The following STON2 variants were observed in gnomAD, a reference collection of about 807,000 sequenced individuals.
STON2 encodes the protein stonin-2.
STON2 carries 29 observed loss-of-function variants against 65.7 expected under a neutral mutation model. The ratio of observed to expected loss-of-function variants is 0.44; its 90% CI spans 0.33 to 0.60. The LOEUF is 0.60. Ranked by LOEUF, STON2 falls within the 20% of genes least tolerant of loss-of-function variation. The probability of loss-of-function intolerance (pLI) is 0.03; values close to 1 mark genes in which losing one functional copy is unlikely to be tolerated. For missense variants in STON2, 1,054 were observed against 1,118.1 expected (o/e 0.94, Z 0.82); for synonymous variants, 404 against 414.2 (o/e 0.98, Z 0.30).
rs1595263246 is a variant in STON2, at chr14:81,267,665, A to G, written c.*749T>C. On this transcript the variant is annotated 3_prime_UTR_variant, in exon 8 of 8. Coordinates refer to ENST00000614646, the MANE Select transcript of STON2 (RefSeq NM_001394390.1). ...TCTTTTCTCCAAAATGAAGAAAACT[A>G]AGATTAATTTTGCCTTCCCCTCAAC... is the stretch of plus-strand genomic sequence containing the variant. 1.0e-6 allele frequency: 1 copy of G among 985,138 alleles called. No homozygotes were observed. The allele number at this position is 985,138 out of a possible 1,614,324, so 61.0% of individuals were successfully genotyped here.
rs752159304 is a variant in STON2, at chr14:81,277,687, T to C, written c.1795A>G (p.Ile599Val). 4 of 1,614,052 alleles carry C rather than the reference T, an allele frequency of 2.5e-6. No homozygotes were observed. The Admixed American group carries it at 6.7e-5, about 27-fold the overall frequency. The change falls in exon 6 of 8, where the codon ATC becomes GTC. Residue 599 changes from isoleucine to valine, a missense_variant. Coordinates refer to ENST00000614646, the MANE Select transcript of STON2 (RefSeq NM_001394390.1). ...TTNYDDFLSF[I>V]HAVQDRLMDL... ...ATGAGACGGTCCTGAACTGCATGGATGAAACTCAGGAAGTCATCGTAATTG... is the reference window on the plus strand; with the variant it reads ...ATGAGACGGTCCTGAACTGCATGGACGAAACTCAGGAAGTCATCGTAATTG...
chr14:81,349,172 G>A (rs1872791688), intron 4 of STON2, among the ~76,000 whole-genome samples: 1 of 152,192 alleles, frequency 6.6e-6, no homozygotes, highest in East Asian at 1.9e-4. Context: ...CCACGGCATT[G>A]GTCTAGGCAA....
intron 5 of STON2, among the ~76,000 whole-genome samples, chr14:81,310,960 T>C (rs1199412642): frequency 6.6e-6 from 1 of 152,190 alleles, no homozygotes; most frequent in Non-Finnish European, 1.5e-5. Flanking sequence ...TATGTCTCTG[T>C]CTTCTATGGT....
At chr14:81,269,119 C>A (rs542543331) in intron 7 of STON2, among the ~76,000 whole-genome samples, 1 of 152,266 alleles carries the variant, frequency 6.6e-6, no homozygotes, top group South Asian at 2.1e-4. Context: ...GATTCTCCTG[C>A]CTCATCCTCC....
upstream of STON2, among the ~76,000 whole-genome samples, chr14:81,402,116 A>C (rs1299831821): frequency 1.3e-5 from 2 of 152,200 alleles, no homozygotes; most frequent in Admixed American, 1.3e-4. Flanking sequence ...CATAAAAGCT[A>C]AGGAGAGTTC....
At chr14:81,342,337 A>G (rs139288560) in intron 4 of STON2, among the ~76,000 whole-genome samples, 1,894 of 152,064 alleles carry the variant, frequency 0.012, 38 homozygotes, top group Middle Eastern at 0.041. Flanking sequence ...GTTTCGCCAC[A>G]TTGGCCAGGC....
intron 5 of STON2, among the ~76,000 whole-genome samples, chr14:81,316,254 T>C (rs747863326): frequency 1.1e-4 from 16 of 152,168 alleles, no homozygotes; most frequent in Non-Finnish European, 2.1e-4. Flanking sequence ...TCACAAAGAC[T>C]TTGTGAGAAC....
chr14:81,289,088 T>C (rs955579627), intron 5 of STON2, among the ~76,000 whole-genome samples: 2 of 152,162 alleles, frequency 1.3e-5, no homozygotes, highest in Admixed American at 1.3e-4. Context: ...CAACGCAGGA[T>C]GCTTGCAAGA....
Position 81,261,280 on chromosome 14 carries a change from T to C in STON2, c.*7134A>G, listed in dbSNP as rs7149917. 0.15 allele frequency: 22,224 copies of C among 152,202 alleles called. 2,108 individuals carry two copies. Among genetic ancestry groups the C allele is most frequent in the African/African-American group, 0.26 (10,913 of 41,468 alleles). The allele number at this position is 152,202 out of a possible 1,614,324, so 9.4% of individuals were successfully genotyped here. On this transcript the variant is annotated 3_prime_UTR_variant, in exon 8 of 8. Transcript: ENST00000614646. Reference sequence around the variant, plus strand: ...GCAACAGTGCTTAAGGCTTCAGTCATGGTGTGGGGCTAGACAGCATCCCCA... The same window carrying C: ...GCAACAGTGCTTAAGGCTTCAGTCACGGTGTGGGGCTAGACAGCATCCCCA...
chr14:81,341,868 A>G (rs565381584), intron 4 of STON2, among the ~76,000 whole-genome samples: 27 of 152,296 alleles, frequency 1.8e-4, no homozygotes, highest in Admixed American at 4.6e-4. Flanking sequence ...GTAAAATCAC[A>G]AAGATTTATT....
At position 81,292,678 on chromosome 14, in the gene STON2, C is replaced by A. The variant is rs1895605131; in HGVS notation, c.743-13939G>T. ...CCCGCAGAACTGTAAGTCAATTAAACCTCTTTCCTTTATAAATTACCCAGT... is the reference window on the plus strand; with the variant it reads ...CCCGCAGAACTGTAAGTCAATTAAAACTCTTTCCTTTATAAATTACCCAGT... On this transcript the variant is annotated intron_variant, in intron 5 of 7. Coordinates refer to ENST00000614646, the MANE Select transcript of STON2 (RefSeq NM_001394390.1). Among the ~76,000 whole-genome samples the A allele has an allele frequency of 2.0e-5, 3 of 152,170 alleles. No homozygotes were observed. In the South Asian group the frequency reaches 6.2e-4, roughly 31 times the overall value.
At chr14:81,297,269 G>T (rs2081755959) in intron 5 of STON2, among the ~76,000 whole-genome samples, 2 of 152,216 alleles carry the variant, frequency 1.3e-5, no homozygotes, top group Non-Finnish European at 2.9e-5. Context: ...GGAGACATCT[G>T]TATGAGGTAA....
At chr14:81,340,695 T>C (rs971320503) in intron 4 of STON2, among the ~76,000 whole-genome samples, 3 of 152,050 alleles carry the variant, frequency 2.0e-5, no homozygotes, top group African/African-American at 4.8e-5. Context: ...TAGAGTAGCC[T>C]GGGTTCCTGA....
Position 81,277,757 on chromosome 14 carries a change from C to T in STON2, c.1725G>A (p.Val575=). The T allele has an allele frequency of 1.2e-6, 2 of 1,614,124 alleles. No individual in the cohort carries two copies. The highest frequency in any genetic ancestry group is 1.7e-6 in the Non-Finnish European group (2 of 1,180,022). Residue 575 remains valine, a synonymous_variant, in exon 6 of 8, where the codon GTG becomes GTA. Transcript: ENST00000614646. ...EKKKYQPKPA[V]AHTAEREQVI... ...CCTGTTCCCTCTCTGCTGTGTGGGC[C>T]ACAGCAGGTTTGGGCTGGTATTTCT... is the stretch of plus-strand genomic sequence containing the variant.
chr14:81,397,984 T>C (rs1439896517), intron 2 of STON2, among the ~76,000 whole-genome samples: 1 of 152,138 alleles, frequency 6.6e-6, no homozygotes, highest in East Asian at 1.9e-4. Flanking sequence ...AACAACTACT[T>C]TTAATAACTA....
intron 4 of STON2, among the ~76,000 whole-genome samples, chr14:81,365,955 AC>A (rs1179719949): frequency 6.6e-6 from 1 of 152,140 alleles, no homozygotes; most frequent in African/African-American, 2.4e-5. Flanking sequence ...AGCTACCCTG[AC>A]TGGTGAAAAT....
chr14:81,267,421 G>T lies in STON2; in HGVS notation c.*993C>A. On this transcript the variant is annotated 3_prime_UTR_variant, in exon 8 of 8. Coordinates refer to ENST00000614646, the MANE Select transcript of STON2 (RefSeq NM_001394390.1). ...TAAAACAGCTTTAAAAATTATCTTT[G>T]CAGCTTAAATTTCCTATAAAGTTGG... 1.0e-6 allele frequency: 1 copy of T among 985,310 alleles called. No homozygotes were observed. The highest frequency in any genetic ancestry group is 1.2e-6 in the Non-Finnish European group (1 of 829,896). 61.0% of individuals were successfully genotyped at this position (985,310 alleles called of 1,614,324 possible).
intron 1 of STON2, among the ~76,000 whole-genome samples, chr14:81,428,943 C>T (rs1902112400): frequency 6.6e-6 from 1 of 152,200 alleles, no homozygotes; most frequent in Non-Finnish European, 1.5e-5. Flanking sequence ...TGGTCCCACT[C>T]TACTTCTCGG....
rs1158358452 is a variant in STON2, at chr14:81,268,403, G to A, written c.*11C>T. On this transcript the variant is annotated 3_prime_UTR_variant, in exon 8 of 8. Transcript: ENST00000614646. ...GACTCTGGGATCAGGATTCCTTGCC[G>A]CAAGGCTTTGTCACTGCACTCCACA... The A allele has an allele frequency of 1.1e-5, 14 of 1,289,328 alleles. No individual in the cohort carries two copies. The highest frequency in any genetic ancestry group is 2.5e-5 in the South Asian group (2 of 80,938). The allele number at this position is 1,289,328 out of a possible 1,614,324, so 79.9% of individuals were successfully genotyped here. A position where few individuals can be genotyped will look rare whatever the true frequency, so the allele number is the denominator to read the frequency against.
Sources: gnomAD v4.1 joint callset for allele counts (sites outside exome capture counted in the v4.1 genomes callset) on GRCh38, gnomAD v4.1.1 for gene constraint, MANE v1.5 for transcripts, NCBI Gene and HGNC (gene_info 2026-07-23, HGNC 2026-07-21) for gene names.